SGCZ: variants seen among roughly 807,000 people sequenced by gnomAD.
SGCZ encodes sarcoglycan zeta, also known as zeta-sarcoglycan.
In SGCZ, 40 loss-of-function variants were observed where a neutral mutation model predicts 41.3. The observed-to-expected ratio is 0.97, with a 90% CI of 0.75 to 1.26. The LOEUF (loss-of-function observed/expected upper bound fraction) is 1.26. Ranked by LOEUF, SGCZ falls within the 50% of genes most tolerant of loss-of-function variation. SGCZ has a pLI of 0.00. For missense variants in SGCZ, 552 were observed against 369.8 expected, an observed-to-expected ratio of 1.49 and a Z score of -4.04; for synonymous variants, 206 against 137.5, an observed-to-expected ratio of 1.50 and a Z score of -3.49.
chr8:14,999,623 G>A (rs1802339696), intron 1 of SGCZ, among the ~76,000 whole-genome samples: 1 of 151,894 alleles, frequency 6.6e-6, no homozygotes, highest in African/African-American at 2.4e-5. Context: ...TTCTCTCTAT[G>A]CAATGTGGTG....
chr8:14,918,485 C>G (rs1213884162), intron 1 of SGCZ, among the ~76,000 whole-genome samples: 1 of 152,046 alleles, frequency 6.6e-6, no homozygotes, highest in African/African-American at 2.4e-5. Flanking sequence ...ACTCAAAGCC[C>G]TCTAATATGA....
chr8:14,992,313 T>C (rs1802041569), intron 1 of SGCZ, among the ~76,000 whole-genome samples: 1 of 150,864 alleles, frequency 6.6e-6, no homozygotes, highest in Non-Finnish European at 1.5e-5. Context: ...GCATTGATAT[T>C]TACCCCTCAC....
chr8:14,700,454 A>G (rs148493289), intron 1 of SGCZ, among the ~76,000 whole-genome samples: 35 of 151,986 alleles, frequency 2.3e-4, no homozygotes, highest in African/African-American at 8.4e-4. Context: ...ACTGAGGACT[A>G]CTAGAGGATG....
chr8:15,086,775 C>T (rs561285267), intron 1 of SGCZ, among the ~76,000 whole-genome samples: 26 of 152,184 alleles, frequency 1.7e-4, no homozygotes, highest in African/African-American at 5.8e-4. Context: ...CTTTACAACT[C>T]ACTGAAGCAA....
At chr8:15,199,937 C>G (rs1265589551) in intron 1 of SGCZ, among the ~76,000 whole-genome samples, 1 of 152,092 alleles carries the variant, frequency 6.6e-6, no homozygotes, top group Non-Finnish European at 1.5e-5. Context: ...GGGCCAATTA[C>G]AACAATAAAT....
rs374644459 is a variant in SGCZ, at chr8:15,207,921, A to G, written c.39+29664T>C. On this transcript the variant is annotated intron_variant, in intron 1 of 7. Coordinates refer to ENST00000382080, the MANE Select transcript of SGCZ (RefSeq NM_139167.4). ...CTCAATTTTAATACAAGTTTTTCAA[A>G]ACTCTATAACTCTTAAGGAATATGG... 7.9e-5 allele frequency among the ~76,000 whole-genome samples: 12 copies of G among 152,308 alleles called. No homozygotes were observed. In the South Asian group the frequency reaches 2.5e-3, roughly 32 times the overall value.
chr8:14,284,884 T>C (rs1003745761), intron 3 of SGCZ, among the ~76,000 whole-genome samples: 1 of 152,220 alleles, frequency 6.6e-6, no homozygotes, highest in Admixed American at 6.5e-5. Flanking sequence ...TTCTGTTGTC[T>C]GCTTTTCTGT....
intron 1 of SGCZ, among the ~76,000 whole-genome samples, chr8:14,562,278 G>C (rs760021433): frequency 6.6e-6 from 1 of 152,122 alleles, no homozygotes; most frequent in Non-Finnish European, 1.5e-5. Context: ...CCGAGCAGAA[G>C]ATTGTTTTCA....
intron 4 of SGCZ, among the ~76,000 whole-genome samples, chr8:14,214,596 A>T (rs1306593115): frequency 1.3e-5 from 2 of 152,174 alleles, no homozygotes; most frequent in African/African-American, 4.8e-5. Context: ...AACAGAATGG[A>T]TTTAAAAATG....
At chr8:14,432,995 A>C (rs1389006627) in intron 2 of SGCZ, among the ~76,000 whole-genome samples, 1 of 151,946 alleles carries the variant, frequency 6.6e-6, no homozygotes, top group Non-Finnish European at 1.5e-5. Context: ...ATGGAAACAA[A>C]ACAAAACTAA....
At chr8:14,550,031 T>C (rs1048768815) in intron 2 of SGCZ, among the ~76,000 whole-genome samples, 1 of 152,040 alleles carries the variant, frequency 6.6e-6, no homozygotes, top group Non-Finnish European at 1.5e-5. Flanking sequence ...GACTTCCTTC[T>C]AGACGCTAGA....
At chr8:14,500,362 G>C (rs1299122866) in intron 2 of SGCZ, among the ~76,000 whole-genome samples, 1 of 151,860 alleles carries the variant, frequency 6.6e-6, no homozygotes, top group Non-Finnish European at 1.5e-5. Context: ...GAGCAGGATG[G>C]AAGCAGAGCA....
At chr8:14,419,799 T>C (rs1424190842) in intron 2 of SGCZ, among the ~76,000 whole-genome samples, 1 of 152,014 alleles carries the variant, frequency 6.6e-6, no homozygotes, top group East Asian at 1.9e-4. Context: ...TTAGTATGTG[T>C]TGTAATAAAT....
At chr8:14,186,706 T>A (rs1016345225) in intron 4 of SGCZ, among the ~76,000 whole-genome samples, 23 of 152,170 alleles carry the variant, frequency 1.5e-4, no homozygotes, top group African/African-American at 5.5e-4. Context: ...TGAAGCCTAT[T>A]CAAATGAAAG....
chr8:14,838,871 C>G (rs1461933521), intron 1 of SGCZ, among the ~76,000 whole-genome samples: 1 of 152,104 alleles, frequency 6.6e-6, no homozygotes, highest in African/African-American at 2.4e-5. Context: ...TTAAGAGAGT[C>G]AGCATAGCGG....
chr8:14,750,477 C>G (rs796910646), intron 1 of SGCZ, among the ~76,000 whole-genome samples: 8 of 152,210 alleles, frequency 5.3e-5, no homozygotes, highest in African/African-American at 1.9e-4. Flanking sequence ...TAAGAGTTTT[C>G]TAAGGAAGGA....
chr8:14,695,278 A>G (rs1808923130), intron 1 of SGCZ, among the ~76,000 whole-genome samples: 1 of 152,210 alleles, frequency 6.6e-6, no homozygotes, highest in Non-Finnish European at 1.5e-5. Context: ...TCATAGAGGA[A>G]AAACCTATAA....
At chr8:14,760,167 C>T (rs1005918937) in intron 1 of SGCZ, among the ~76,000 whole-genome samples, 1 of 152,058 alleles carries the variant, frequency 6.6e-6, no homozygotes, top group African/African-American at 2.4e-5. Context: ...TGACTATGCC[C>T]GGAAATAATT....
chr8:15,085,559 C>T (rs1293351340), intron 1 of SGCZ, among the ~76,000 whole-genome samples: 1 of 152,098 alleles, frequency 6.6e-6, no homozygotes, highest in African/African-American at 2.4e-5. Context: ...CTCAGTCTAA[C>T]CCAGAATCTG....
Sources: allele counts gnomAD v4.1 joint callset (sites outside exome capture counted in the v4.1 genomes callset), GRCh38; gene constraint gnomAD v4.1.1; transcripts MANE v1.5; gene names NCBI Gene and HGNC (gene_info 2026-07-23, HGNC 2026-07-21).